The following SRGAP1 variants were observed in gnomAD, a reference collection of about 807,000 sequenced individuals.
SRGAP1 encodes SLIT-ROBO Rho GTPase activating protein 1.
Under a neutral mutation model 121.9 loss-of-function variants are expected in SRGAP1, and 43 were observed. The observed-to-expected ratio is 0.35, with a 90% CI of 0.28 to 0.46. The LOEUF (loss-of-function observed/expected upper bound fraction) is 0.46. Among genes scored for constraint, SRGAP1 ranks in the 20% least tolerant of loss-of-function variants. The probability of loss-of-function intolerance (pLI) is 1.00; values close to 1 mark genes in which losing one functional copy is unlikely to be tolerated. For missense variants in SRGAP1, 1,102 were observed against 1,350.9 expected (o/e 0.82, Z 2.89); for synonymous variants, 447 against 485.4 (o/e 0.92, Z 1.04).
At chr12:63,949,779 G>C (rs2032230329) in intron 1 of SRGAP1, among the ~76,000 whole-genome samples, 1 of 152,108 alleles carries the variant, frequency 6.6e-6, no homozygotes, top group South Asian at 2.1e-4. Context: ...CAGCTTTTCA[G>C]TTTGTGAGTA....
At chr12:63,906,442 G>A (rs1304797916) in intron 1 of SRGAP1, among the ~76,000 whole-genome samples, 2 of 151,942 alleles carry the variant, frequency 1.3e-5, no homozygotes, top group African/African-American at 4.8e-5. Context: ...AGCCTCCCGA[G>A]TAGCTGGGAC....
chr12:63,940,699 T>C (rs2031834500), intron 1 of SRGAP1, among the ~76,000 whole-genome samples: 1 of 152,212 alleles, frequency 6.6e-6, no homozygotes, highest in Non-Finnish European at 1.5e-5. Flanking sequence ...CCTCTAACTA[T>C]CAGCTTAAAA....
At position 64,157,934 on chromosome 12, in the gene SRGAP1, C is replaced by T. The variant is rs992220614; in HGVS notation, c.*15262C>T. The T allele has an allele frequency of 3.3e-5, 5 of 152,120 alleles. No homozygotes were observed. The highest frequency in any genetic ancestry group is 1.2e-4 in the African/African-American group (5 of 41,380). The allele number at this position is 152,120 out of a possible 1,614,324, so 9.4% of individuals were successfully genotyped here. Reference sequence around the variant, plus strand: ...TTGCTGCCACCTTAGTACGTGGCCACCATGAAGAGGAAGAGAAAGCACTTG... The same window carrying T: ...TTGCTGCCACCTTAGTACGTGGCCATCATGAAGAGGAAGAGAAAGCACTTG... On this transcript the variant is annotated 3_prime_UTR_variant, in exon 22 of 22. Coordinates refer to ENST00000355086, the MANE Select transcript of SRGAP1 (RefSeq NM_020762.4).
At chr12:63,856,294 A>G (rs1034790961) in intron 1 of SRGAP1, among the ~76,000 whole-genome samples, 1 of 146,410 alleles carries the variant, frequency 6.8e-6, no homozygotes, top group African/African-American at 2.6e-5. Flanking sequence ...ATAAATAAAT[A>G]AAAAGATCCT....
At chr12:63,946,431 T>G (rs75083717) in intron 1 of SRGAP1, among the ~76,000 whole-genome samples, 3,638 of 152,076 alleles carry the variant, frequency 0.024, 135 homozygotes, top group African/African-American at 0.081. Flanking sequence ...ACTCCTAAAT[T>G]TTATCATGCC....
chr12:64,114,826 G>A (rs962930966), intron 17 of SRGAP1, among the ~76,000 whole-genome samples: 14 of 152,164 alleles, frequency 9.2e-5, no homozygotes, highest in Admixed American at 5.9e-4. Flanking sequence ...AGCCAGTAAC[G>A]TGTGCTCGAT....
At chr12:63,981,747 C>T (rs556557493) in intron 1 of SRGAP1, among the ~76,000 whole-genome samples, 1 of 152,312 alleles carries the variant, frequency 6.6e-6, no homozygotes, top group East Asian at 1.9e-4. Flanking sequence ...CAAGCAAGGA[C>T]ACTTGAGAAA....
At chr12:63,950,192 A>G (rs2032242124) in intron 1 of SRGAP1, among the ~76,000 whole-genome samples, 1 of 152,184 alleles carries the variant, frequency 6.6e-6, no homozygotes, top group African/African-American at 2.4e-5. Context: ...TAAAGCCCTC[A>G]ACCTAATAAC....
At chr12:64,031,376 A>G (rs2034777110) in intron 4 of SRGAP1, among the ~76,000 whole-genome samples, 1 of 151,950 alleles carries the variant, frequency 6.6e-6, no homozygotes, top group South Asian at 2.1e-4. Flanking sequence ...TATGTTATAT[A>G]TGTTTCCCCA....
intron 1 of SRGAP1, among the ~76,000 whole-genome samples, chr12:63,896,391 C>T (rs1025341104): frequency 3.3e-5 from 5 of 152,112 alleles, no homozygotes; most frequent in Admixed American, 6.6e-5. Flanking sequence ...CACTTTCTTA[C>T]CTATAGTTGA....
intron 1 of SRGAP1, among the ~76,000 whole-genome samples, chr12:63,933,318 G>C (rs1000975632): frequency 1.3e-5 from 2 of 152,112 alleles, no homozygotes; most frequent in Non-Finnish European, 2.9e-5. Flanking sequence ...TGGAAGAGGG[G>C]TTCATTCTTT....
chr12:63,859,572 T>C (rs375703007), intron 1 of SRGAP1, among the ~76,000 whole-genome samples: 5 of 152,334 alleles, frequency 3.3e-5, no homozygotes, highest in African/African-American at 1.2e-4. Flanking sequence ...CTTTACCTAT[T>C]TTCTTAAGTT....
At chr12:63,945,679 G>T (rs539747058) in intron 1 of SRGAP1, among the ~76,000 whole-genome samples, 1 of 152,304 alleles carries the variant, frequency 6.6e-6, no homozygotes, top group South Asian at 2.1e-4. Flanking sequence ...GATGGGTTTG[G>T]TTGTTACTAT....
At chr12:63,907,833 G>A (rs574553663) in intron 1 of SRGAP1, among the ~76,000 whole-genome samples, 6 of 152,052 alleles carry the variant, frequency 3.9e-5, no homozygotes, top group East Asian at 1.9e-4. Flanking sequence ...GAATTTTATC[G>A]TCCTAGCCCT....
intron 1 of SRGAP1, among the ~76,000 whole-genome samples, chr12:63,885,459 T>G (rs1206987693): frequency 6.6e-6 from 1 of 152,148 alleles, no homozygotes; most frequent in African/African-American, 2.4e-5. Context: ...CCACACTCTC[T>G]TGGGTTTCTG....
chr12:64,118,710 C>CTTAT (rs377520467), intron 18 of SRGAP1, among the ~76,000 whole-genome samples: 6,612 of 150,438 alleles, frequency 0.044, 428 homozygotes, highest in African/African-American at 0.14. Context: ...TCTTTGGTGC[C>CTTAT]TTATTTATTT....
intron 1 of SRGAP1, among the ~76,000 whole-genome samples, chr12:63,944,717 C>T (rs538856961): frequency 8.5e-5 from 13 of 152,304 alleles, no homozygotes; most frequent in African/African-American, 2.6e-4. Context: ...CCAAGGTTGC[C>T]TTTGATAGTG....
intron 11 of SRGAP1, among the ~76,000 whole-genome samples, chr12:64,088,397 A>G (rs1369657053): frequency 2.6e-5 from 4 of 152,238 alleles, no homozygotes; most frequent in Admixed American, 2.6e-4. Context: ...TCAAAAAAAG[A>G]GATTTTTTTA....
chr12:64,089,327 A>T (rs2036005032), intron 11 of SRGAP1, among the ~76,000 whole-genome samples: 1 of 152,170 alleles, frequency 6.6e-6, no homozygotes, highest in Non-Finnish European at 1.5e-5. Flanking sequence ...CTCCAGTGGG[A>T]ACCACAATAA....
Sources: allele counts gnomAD v4.1 joint callset (sites outside exome capture counted in the v4.1 genomes callset), GRCh38; gene constraint gnomAD v4.1.1; transcripts MANE v1.5; gene names NCBI Gene and HGNC (gene_info 2026-07-23, HGNC 2026-07-21).